Variants in PHACTR1 observed in about 807,000 individuals in gnomAD.
PHACTR1 encodes the protein RPEL repeat containing 1.
A neutral mutation model predicts 69.2 loss-of-function variants in PHACTR1; 16 were observed. The observed-to-expected ratio is 0.23, with a 90% CI of 0.16 to 0.35. The LOEUF is 0.35. Ranked by LOEUF, PHACTR1 falls within the 10% of genes least tolerant of loss-of-function variation. The probability of loss-of-function intolerance (pLI) is 1.00; values close to 1 mark genes in which losing one functional copy is unlikely to be tolerated. For synonymous variants in PHACTR1, 312 were observed against 284.5 expected, an observed-to-expected ratio of 1.10 and a Z score of -0.97; for missense variants, 510 against 734.7, an observed-to-expected ratio of 0.69 and a Z score of 3.54.
intron 4 of PHACTR1, among the ~76,000 whole-genome samples, chr6:12,850,915 C>T (rs960669477): frequency 1.3e-5 from 2 of 152,162 alleles, no homozygotes; most frequent in African/African-American, 4.8e-5. Context: ...TCTCCCAAGA[C>T]CCTGTTTCCA....
intron 4 of PHACTR1, among the ~76,000 whole-genome samples, chr6:12,872,206 T>G (rs1316448468): frequency 3.3e-5 from 5 of 152,142 alleles, no homozygotes; most frequent in Non-Finnish European, 7.3e-5. Flanking sequence ...GACTTTTATC[T>G]GTTAGCGGTA....
chr6:13,198,563 A>T (rs1444045055), intron 7 of PHACTR1, among the ~76,000 whole-genome samples: 1 of 152,146 alleles, frequency 6.6e-6, no homozygotes. Context: ...ACATTGGAAG[A>T]AGAAGAATTG....
At chr6:12,980,697 T>A (rs1398904095) in intron 4 of PHACTR1, among the ~76,000 whole-genome samples, 1 of 152,172 alleles carries the variant, frequency 6.6e-6, no homozygotes, top group Non-Finnish European at 1.5e-5. Context: ...GAGACCCCCA[T>A]GTCCTAAGTC....
At chr6:12,802,325 T>A (rs1297943373) in intron 4 of PHACTR1, among the ~76,000 whole-genome samples, 1 of 151,936 alleles carries the variant, frequency 6.6e-6, no homozygotes, top group East Asian at 1.9e-4. Flanking sequence ...ATTGGCAATT[T>A]ACTATAACGT....
At chr6:12,951,164 A>G (rs1383576419) in intron 4 of PHACTR1, among the ~76,000 whole-genome samples, 1 of 152,168 alleles carries the variant, frequency 6.6e-6, no homozygotes, top group Non-Finnish European at 1.5e-5. Flanking sequence ...CTGCTCTGTT[A>G]TAGATTATGC....
At chr6:12,758,451 G>A (rs1290794805) in intron 4 of PHACTR1, among the ~76,000 whole-genome samples, 1 of 138,436 alleles carries the variant, frequency 7.2e-6, no homozygotes, top group African/African-American at 2.7e-5. Flanking sequence ...GGGTGAAAGA[G>A]CGAGACTCTC....
At chr6:12,738,586 G>A (rs1336142962) in intron 3 of PHACTR1, among the ~76,000 whole-genome samples, 2 of 152,168 alleles carry the variant, frequency 1.3e-5, no homozygotes, top group Non-Finnish European at 2.9e-5. Flanking sequence ...AGCCAGGCTG[G>A]GCATGGTGGC....
At chr6:13,125,665 A>G (rs951733023) in intron 5 of PHACTR1, among the ~76,000 whole-genome samples, 1 of 152,230 alleles carries the variant, frequency 6.6e-6, no homozygotes, top group African/African-American at 2.4e-5. Context: ...ATGGCAGCTC[A>G]TGCCTGTAAT....
Position 13,287,406 on chromosome 6 carries a change from A to G in PHACTR1, c.*328A>G, listed in dbSNP as rs1426987537. On this transcript the variant is annotated 3_prime_UTR_variant, in exon 15 of 15. Coordinates refer to ENST00000332995, the MANE Select transcript of PHACTR1 (RefSeq NM_030948.6). ...TCCTCTCCAGCCAGGCCCAGCAGGC[A>G]CTACCTTCATGAAGTCTCCAGCAAA... 3 of 348,166 alleles carry G rather than the reference A, an allele frequency of 8.6e-6. No homozygotes were observed. The East Asian group carries it at 1.7e-4, about 20-fold the overall frequency. The allele number at this position is 348,166 out of a possible 1,614,324, so 21.6% of individuals were successfully genotyped here.
rs1480643021 is a variant in PHACTR1, at chr6:13,275,833, C to T, written c.1448-2435C>T. The stretch of plus-strand genomic sequence containing the variant: ...ACATCCAGACCACCTTTTCTTCCAT[C>T]CGTTTTCCCACCTGAGACATCGCAA... On this transcript the variant is annotated intron_variant, in intron 11 of 14. Coordinates refer to ENST00000332995, the MANE Select transcript of PHACTR1 (RefSeq NM_030948.6). The surrounding 1 kb of genome is among the most constrained non-coding windows in gnomAD (Gnocchi z 4.0). The T allele has an allele frequency of 1.3e-5, 2 of 152,234 alleles. No individual in the cohort carries two copies. Among genetic ancestry groups the T allele is most frequent in the African/African-American group, 4.8e-5 (2 of 41,440 alleles). The allele number at this position is 152,234 out of a possible 1,614,324, so 9.4% of individuals were successfully genotyped here.
Position 13,267,797 on chromosome 6 carries a change from C to A in PHACTR1, c.1392-5063C>A, listed in dbSNP as rs558274600. 3 of 142,258 alleles carry A rather than the reference C, an allele frequency of 2.1e-5. No homozygotes were observed. The Admixed American group carries it at 2.1e-4, about 10-fold the overall frequency. 8.8% of individuals were successfully genotyped at this position (142,258 alleles called of 1,614,324 possible). A position where few individuals can be genotyped will look rare whatever the true frequency, so the allele number is the denominator to read the frequency against. Reference sequence around the variant, plus strand: ...ATTCTTATCATTTGATCTCAGCCAGCGTCTCAAACTCAGAGGCCCTCGGGG... The same window carrying A: ...ATTCTTATCATTTGATCTCAGCCAGAGTCTCAAACTCAGAGGCCCTCGGGG... On this transcript the variant is annotated intron_variant, in intron 10 of 14. Coordinates refer to ENST00000332995, the MANE Select transcript of PHACTR1 (RefSeq NM_030948.6).
intron 5 of PHACTR1, among the ~76,000 whole-genome samples, chr6:13,132,731 A>ATT (rs1561875345): frequency 8.8e-5 from 13 of 147,080 alleles, no homozygotes; most frequent in Admixed American, 4.0e-4. Flanking sequence ...CGTATTGCTA[A>ATT]AAAAAAAAAA....
chr6:12,928,421 T>C (rs375905230), intron 4 of PHACTR1, among the ~76,000 whole-genome samples: 4 of 152,156 alleles, frequency 2.6e-5, no homozygotes, highest in Admixed American at 6.5e-5. Flanking sequence ...GGGTTCTAGG[T>C]AGTCCTAGAA....
chr6:13,008,246 C>G (rs1799044906), intron 4 of PHACTR1, among the ~76,000 whole-genome samples: 1 of 152,178 alleles, frequency 6.6e-6, no homozygotes, highest in African/African-American at 2.4e-5. Context: ...GGTGGAAAAG[C>G]CTCACTTGCG....
At chr6:12,830,509 A>G (rs1184699489) in intron 4 of PHACTR1, among the ~76,000 whole-genome samples, 1 of 151,992 alleles carries the variant, frequency 6.6e-6, no homozygotes, top group African/African-American at 2.4e-5. Flanking sequence ...CCTTCCCACC[A>G]GTCTATTATC....
At chr6:12,903,247 G>A (rs1785386023) in intron 4 of PHACTR1, among the ~76,000 whole-genome samples, 1 of 152,166 alleles carries the variant, frequency 6.6e-6, no homozygotes, top group Non-Finnish European at 1.5e-5. Context: ...GATAAGGAAA[G>A]CACTTAGAAC....
chr6:12,795,610 G>T (rs926848871), intron 4 of PHACTR1, among the ~76,000 whole-genome samples: 21 of 152,080 alleles, frequency 1.4e-4, no homozygotes, highest in African/African-American at 4.8e-4. Flanking sequence ...CAAACAATGT[G>T]GGAAGAGGAG....
Position 13,283,996 on chromosome 6 carries a change from A to C in PHACTR1, c.1650+434A>C. On this transcript the variant is annotated intron_variant, in intron 13 of 14. Coordinates refer to ENST00000332995, the MANE Select transcript of PHACTR1 (RefSeq NM_030948.6). The surrounding 1 kb of genome is among the most constrained non-coding windows in gnomAD (Gnocchi z 4.7). The stretch of plus-strand genomic sequence containing the variant: ...CCAGGAGGGAAATAGGGCATAAATC[A>C]AAGAGACGTCGCAAAACATATCTCA... 1 of 169,368 alleles carries C rather than the reference A, an allele frequency of 5.9e-6. No homozygotes were observed. The highest frequency in any genetic ancestry group is 1.3e-5 in the Non-Finnish European group (1 of 78,236). The allele number at this position is 169,368 out of a possible 1,614,324, so 10.5% of individuals were successfully genotyped here.
At chr6:12,729,031 C>T (rs573721615) in intron 3 of PHACTR1, among the ~76,000 whole-genome samples, 4 of 152,230 alleles carry the variant, frequency 2.6e-5, no homozygotes, top group African/African-American at 9.6e-5. Context: ...TGAATGTATC[C>T]GTTCTTATGT....
Sources: gnomAD v4.1 joint callset for allele counts (sites outside exome capture counted in the v4.1 genomes callset) on GRCh38, gnomAD v4.1.1 for gene constraint, Gnocchi (gnomAD v3.1) non-coding constraint, MANE v1.5 for transcripts, NCBI Gene and HGNC (gene_info 2026-07-23, HGNC 2026-07-21) for gene names.